SRPX: variants seen among roughly 807,000 people sequenced by gnomAD.
SRPX encodes sushi repeat-containing protein SRPX.
SRPX carries 24 observed loss-of-function variants against 38.1 expected under a neutral mutation model. That is an observed-to-expected ratio of 0.63 (90% CI 0.46 to 0.89). The LOEUF (loss-of-function observed/expected upper bound fraction) is 0.89, where lower values mean the gene tolerates loss of function less well. Among genes scored for constraint, SRPX ranks in the 40% least tolerant of loss-of-function variants. The probability of loss-of-function intolerance (pLI) is 0.00; values close to 1 mark genes in which losing one functional copy is unlikely to be tolerated. For synonymous variants in SRPX, 184 were observed against 153.8 expected (o/e 1.20, Z -1.45); for missense variants, 416 against 377.8 (o/e 1.10, Z -0.84).
chrX:38,161,544 G>C (rs1313614087), intron 5 of SRPX, among the ~76,000 whole-genome samples: 1 of 111,489 alleles, frequency 9.0e-6, no homozygotes, highest in African/African-American at 3.3e-5. Flanking sequence ...GGACAGTGGA[G>C]ACCTAAAGGC....
At chrX:38,204,407 C>G (rs1345401171) in intron 1 of SRPX, among the ~76,000 whole-genome samples, 1 of 111,811 alleles carries the variant, frequency 8.9e-6, no homozygotes, top group East Asian at 2.8e-4. Flanking sequence ...AATAAAGAAC[C>G]CAGAAACAGA....
At chrX:38,181,789 A>G (rs1233944658) in intron 1 of SRPX, among the ~76,000 whole-genome samples, 1 of 111,958 alleles carries the variant, frequency 8.9e-6, no homozygotes, top group African/African-American at 3.2e-5. Flanking sequence ...AAGCAAACCA[A>G]TTAAGAAATG....
At chrX:38,205,470 G>C (rs550927771) in intron 1 of SRPX, among the ~76,000 whole-genome samples, 3 of 111,555 alleles carry the variant, frequency 2.7e-5, no homozygotes, top group East Asian at 5.6e-4. Context: ...CTTTGGAAGA[G>C]AAGTTTTTAA....
At chrX:38,159,066 TATTTC>T (rs1938189709) in intron 7 of SRPX, among the ~76,000 whole-genome samples, 1 of 112,234 alleles carries the variant, frequency 8.9e-6, no homozygotes, top group Non-Finnish European at 1.9e-5. Context: ...ATATCCAAAA[TATTTC>T]ATTTCAACAT....
intron 4 of SRPX, among the ~76,000 whole-genome samples, chrX:38,171,649 C>T (rs1031725788): frequency 8.9e-6 from 1 of 111,777 alleles, no homozygotes; most frequent in African/African-American, 3.2e-5. Context: ...CAATAGCAAA[C>T]CAAGAAAAAG....
In SRPX at chrX:38,171,192, C is replaced by T. The variant is rs12557139; in HGVS notation, c.526+689G>A. On this transcript the variant is annotated intron_variant, in intron 4 of 9. Coordinates refer to ENST00000378533, the MANE Select transcript of SRPX (RefSeq NM_006307.5). Reference sequence around the variant, plus strand: ...TTTTCCCAAGGTCCCTAGAGGACTTCGCTGCACAGTAAAGTTTGAGAAGCA... The same window carrying T: ...TTTTCCCAAGGTCCCTAGAGGACTTTGCTGCACAGTAAAGTTTGAGAAGCA... Among the ~76,000 whole-genome samples the T allele has an allele frequency of 8.1e-3, 907 of 111,291 alleles. 33 individuals are homozygous for T. Among genetic ancestry groups the T allele is most frequent in the Admixed American group, 0.076 (799 of 10,451 alleles).
rs182445414 is a variant in SRPX at position 38,198,831 on chromosome X, A to T, written c.98-20487T>A. Among the ~76,000 whole-genome samples, 50 of 111,499 alleles carry T rather than the reference A, an allele frequency of 4.5e-4. No homozygotes were observed. In the East Asian group the frequency reaches 9.4e-3, roughly 21 times the overall value. The stretch of plus-strand genomic sequence containing the variant: ...AGCAACAATCAGGGATAATACCATA[A>T]GCCACTCGTAATAAATATTTTATTT... On this transcript the variant is annotated intron_variant, in intron 1 of 9. Coordinates refer to ENST00000378533, the MANE Select transcript of SRPX (RefSeq NM_006307.5).
chrX:38,184,730 T>C (rs1833976381), intron 1 of SRPX, among the ~76,000 whole-genome samples: 1 of 112,291 alleles, frequency 8.9e-6, no homozygotes, highest in Non-Finnish European at 1.9e-5. Flanking sequence ...TGAAGAAGCA[T>C]GTAGTGTCCT....
At chrX:38,172,343 C>T (rs1354790868) in intron 3 of SRPX, among the ~76,000 whole-genome samples, 1 of 112,735 alleles carries the variant, frequency 8.9e-6, no homozygotes, top group Non-Finnish European at 1.9e-5. Context: ...ATCCCAGCTA[C>T]TCGGGAGGCT....
At chrX:38,184,258 C>T (rs1313505115) in intron 1 of SRPX, among the ~76,000 whole-genome samples, 1 of 111,380 alleles carries the variant, frequency 9.0e-6, no homozygotes, top group African/African-American at 3.3e-5. Flanking sequence ...GATACCTGAC[C>T]CAAATTGGTA....
chrX:38,220,794 G>A lies in SRPX; in HGVS notation c.-2C>T. 6 of 1,096,336 alleles carry A rather than the reference G, an allele frequency of 5.5e-6. No individual in the cohort carries two copies. In the South Asian group the frequency reaches 1.1e-4, roughly 21 times the overall value. 90.4% of individuals were successfully genotyped at this position (1,096,336 alleles called of 1,213,427 possible). The stretch of plus-strand genomic sequence containing the variant: ...GGGCCGATGTGCGGGGCTCCCCATG[G>A]CGAGCGGGCGCTTAGCTCGCCTCGG... On this transcript the variant is annotated 5_prime_UTR_variant, in exon 1 of 10. Coordinates refer to ENST00000378533, the MANE Select transcript of SRPX (RefSeq NM_006307.5).
chrX:38,153,076 T>A (rs1569202153), intron 9 of SRPX, among the ~76,000 whole-genome samples: 1 of 111,600 alleles, frequency 9.0e-6, no homozygotes, highest in African/African-American at 3.3e-5. Context: ...AGCGCCAACA[T>A]GGTGCCAGGT....
At chrX:38,180,452 A>G (rs990339996) in intron 1 of SRPX, among the ~76,000 whole-genome samples, 26 of 111,684 alleles carry the variant, frequency 2.3e-4, no homozygotes, top group Middle Eastern at 9.2e-3. Flanking sequence ...TCACTCCCAT[A>G]CTTGCCTCAA....
intron 1 of SRPX, among the ~76,000 whole-genome samples, chrX:38,189,907 G>A (rs914907061): frequency 4.5e-5 from 5 of 112,033 alleles, no homozygotes; most frequent in Admixed American, 3.8e-4. Context: ...TGAGACTTTA[G>A]CCTACACATT....
chrX:38,207,053 T>C (rs965549194), intron 1 of SRPX, among the ~76,000 whole-genome samples: 5 of 111,333 alleles, frequency 4.5e-5, no homozygotes, highest in Non-Finnish European at 9.4e-5. Flanking sequence ...AGGAAGACCC[T>C]AGGCAGAGTC....
In SRPX at chrX:38,149,675, C is replaced by A. The variant is rs377703909; in HGVS notation, c.*36G>T. ...TCCCGTGTGCATGTCACTATGTAGA[C>A]AATGAAGAGGAATTGCCAAGAGAGG... On this transcript the variant is annotated 3_prime_UTR_variant, in exon 10 of 10. Coordinates refer to ENST00000378533, the MANE Select transcript of SRPX (RefSeq NM_006307.5). 315 of 1,176,101 alleles carry A rather than the reference C, an allele frequency of 2.7e-4. No homozygotes were observed. The highest frequency in any genetic ancestry group is 3.5e-4 in the Non-Finnish European group (307 of 873,684).
chrX:38,174,288 C>A lies in SRPX; in HGVS notation c.221G>T (p.Gly74Val). The A allele has an allele frequency of 2.6e-6, 3 of 1,147,171 alleles. No homozygotes were observed. Among genetic ancestry groups the A allele is most frequent in the Non-Finnish European group, 3.5e-6 (3 of 864,076 alleles). 94.5% of individuals were successfully genotyped at this position (1,147,171 alleles called of 1,213,427 possible). The change falls in exon 3 of 10, where the codon GGA becomes GTA. Residue 74 changes from glycine to valine, a missense_variant. Transcript: ENST00000378533. ...YGDVYCRAPQ[G>V]GYYKTALGTR... ...TCCCAGGGCTGTTTTGTAGTATCCT[C>A]CTTGAGGGGCCCTGCAGTACACATC...
intron 1 of SRPX, among the ~76,000 whole-genome samples, chrX:38,193,994 C>T (rs973126755): frequency 9.0e-6 from 1 of 111,651 alleles, no homozygotes; most frequent in East Asian, 2.8e-4. Flanking sequence ...CTGAGGATAA[C>T]TGCCAAAACT....
At chrX:38,178,833 A>G (rs1301953204) in intron 1 of SRPX, among the ~76,000 whole-genome samples, 4 of 112,009 alleles carry the variant, frequency 3.6e-5, no homozygotes, top group African/African-American at 1.3e-4. Flanking sequence ...TATCTTGACA[A>G]AAGAAACACA....
Sources: allele counts gnomAD v4.1 joint callset (sites outside exome capture counted in the v4.1 genomes callset), GRCh38; gene constraint gnomAD v4.1.1; transcripts MANE v1.5; gene names NCBI Gene and HGNC (gene_info 2026-07-23, HGNC 2026-07-21).